Variants in SLC9A6 observed in about 807,000 individuals in gnomAD.
SLC9A6 encodes the protein sodium/hydrogen exchanger 6.
SLC9A6 carries 6 observed loss-of-function variants against 45.3 expected under a neutral mutation model. That is an observed-to-expected ratio of 0.13 (90% CI 0.07 to 0.26). The LOEUF is 0.26. Among genes scored for constraint, SLC9A6 ranks in the 10% least tolerant of loss-of-function variants. The pLI, the probability that SLC9A6 is intolerant of heterozygous loss-of-function variation, is 1.00. For synonymous variants in SLC9A6, 191 were observed against 187.7 expected, an observed-to-expected ratio of 1.02 and a Z score of -0.14; for missense variants, 278 against 503.7, an observed-to-expected ratio of 0.55 and a Z score of 4.29.
intron 7 of SLC9A6, among the ~76,000 whole-genome samples, chrX:136,007,232 C>CCA (rs2089671716): frequency 9.1e-6 from 1 of 109,780 alleles, no homozygotes; most frequent in Admixed American, 9.8e-5. Context: ...CACCCCCTCA[C>CCA]CACACACACA....
intron 16 of SLC9A6, among the ~76,000 whole-genome samples, chrX:136,038,180 T>A (rs1556622003): frequency 2.7e-5 from 3 of 111,948 alleles, no homozygotes; most frequent in Admixed American, 9.5e-5. Flanking sequence ...TTTGGATATA[T>A]CCTTTAGCAG....
intron 17 of SLC9A6, among the ~76,000 whole-genome samples, chrX:136,042,611 TCCTCG>T (rs1556622825): frequency 8.9e-6 from 1 of 112,467 alleles, no homozygotes; most frequent in African/African-American, 3.2e-5. Flanking sequence ...CTACCTGCAG[TCCTCG>T]AGGCAGTCTT....
intron 7 of SLC9A6, chrX:136,010,179 A>G (rs2070891914): frequency 1.1e-5 from 4 of 375,269 alleles, no homozygotes; most frequent in Non-Finnish European, 1.9e-5. Flanking sequence ...GGGATGGGGG[A>G]AAAAGCTTGG....
rs12011487 is a variant in SLC9A6 at position 135,993,086 on chromosome X, A to C, written c.170-1700A>C. ...GTAGTTGAGGTATGTCCATACAATG[A>C]AATATCGTTTGGTCGTAAAAGTAAA... On this transcript the variant is annotated intron_variant, in intron 2 of 17. Transcript: ENST00000630721. Among the ~76,000 whole-genome samples, 671 of 112,458 alleles carry C rather than the reference A, an allele frequency of 6.0e-3. 6 individuals are homozygous for C. The highest frequency in any genetic ancestry group is 0.021 in the African/African-American group (639 of 30,933).
At chrX:136,000,171 A>T (rs1189788792) in intron 6 of SLC9A6, among the ~76,000 whole-genome samples, 1 of 99,560 alleles carries the variant, frequency 1.0e-5, no homozygotes, top group African/African-American at 3.7e-5. Context: ...GGACCACTTG[A>T]GCCTAGGAGT....
At chrX:135,982,486 CT>C (rs1195390279), upstream of SLC9A6, among the ~76,000 whole-genome samples, 366 of 94,918 alleles carry the variant, frequency 3.9e-3, no homozygotes, top group Non-Finnish European at 4.6e-3. Context: ...GGTCAATTCG[CT>C]TTTTTTTTTT....
intron 6 of SLC9A6, among the ~76,000 whole-genome samples, chrX:136,000,254 CAAAAAAAAAAAA>C (rs1212509294): frequency 5.8e-3 from 92 of 15,775 alleles, no homozygotes; most frequent in Middle Eastern, 0.069. Flanking sequence ...ACCCTGTCTC[CAAAAAAAAAAAA>C]AAAAAAAAAA....
At position 136,025,371 on chromosome X, in the gene SLC9A6, C is replaced by A. The variant is rs188589820; in HGVS notation, c.1460+888C>A. On this transcript the variant is annotated intron_variant, in intron 13 of 17. Coordinates refer to ENST00000630721, the MANE Select transcript of SLC9A6 (RefSeq NM_001379110.1). ...TTCATAGACATTAAGAGCTACCAAG[C>A]TTCCAGAATACATAGGACTCATTAG... Among the ~76,000 whole-genome samples, 502 of 112,652 alleles carry A rather than the reference C, an allele frequency of 4.5e-3. 3 individuals carry two copies. Among genetic ancestry groups the A allele is most frequent in the African/African-American group, 0.015 (472 of 31,041 alleles).
chrX:135,998,736 G>A (rs1556616962), intron 5 of SLC9A6, 120 bp from the exon 6 acceptor site: 19 of 650,654 alleles, frequency 2.9e-5, no homozygotes, highest in Non-Finnish European at 3.3e-5. Flanking sequence ...ATATTTCAAT[G>A]ACATGAATTA....
chrX:136,022,328 A>G (rs2071141163), intron 11 of SLC9A6, among the ~76,000 whole-genome samples: 1 of 112,168 alleles, frequency 8.9e-6, no homozygotes, highest in Non-Finnish European at 1.9e-5. Flanking sequence ...AATTTGAAGT[A>G]ATTAAAATGA....
intron 1 of SLC9A6, among the ~76,000 whole-genome samples, chrX:135,976,310 C>CA (rs1194717376): frequency 9.0e-6 from 1 of 111,541 alleles, no homozygotes; most frequent in Non-Finnish European, 1.9e-5. Flanking sequence ...GATAGTTGAC[C>CA]AAAAAAATCT....
intron 17 of SLC9A6, among the ~76,000 whole-genome samples, chrX:136,040,893 G>A (rs782418954): frequency 1.8e-5 from 2 of 112,058 alleles, no homozygotes; most frequent in Admixed American, 9.4e-5. Context: ...AGGCCGAGGC[G>A]GCAGATCACC....
At position 136,024,313 on chromosome X, in the gene SLC9A6, T is replaced by C. The variant is rs1212441893; in HGVS notation, c.1307-17T>C. 10 of 1,208,993 alleles carry C rather than the reference T, an allele frequency of 8.3e-6. No homozygotes were observed. Among genetic ancestry groups the C allele is most frequent in the African/African-American group, 3.5e-5 (2 of 57,320 alleles). ...GTAATGAGTTATTGAAGAAATACCT[T>C]TTCTGTTCCCCTGTAGGCCTTCGTG... On this transcript the variant is annotated splice_polypyrimidine_tract_variant and intron_variant, in intron 12 of 17. Transcript: ENST00000630721.
chrX:136,021,021 G>A (rs1470602555), intron 11 of SLC9A6, among the ~76,000 whole-genome samples: 1 of 110,253 alleles, frequency 9.1e-6, no homozygotes, highest in Non-Finnish European at 1.9e-5. Context: ...TGAGCACTAG[G>A]TGTGCTCAGT....
At chrX:135,993,967 CTCAA>C (rs2089466273) in intron 2 of SLC9A6, among the ~76,000 whole-genome samples, 1 of 111,598 alleles carries the variant, frequency 9.0e-6, no homozygotes, top group South Asian at 3.7e-4. Context: ...AGTAGAAGAA[CTCAA>C]TCAACCTACA....
upstream of SLC9A6, among the ~76,000 whole-genome samples, chrX:135,980,216 A>AT (rs58715904): frequency 2.8e-4 from 28 of 100,230 alleles, no homozygotes; most frequent in East Asian, 1.6e-3. Context: ...CCAATACATG[A>AT]TTTTTTTTTT....
At chrX:136,001,010 G>A (rs2089573878) in intron 6 of SLC9A6, among the ~76,000 whole-genome samples, 1 of 110,127 alleles carries the variant, frequency 9.1e-6, no homozygotes, top group South Asian at 3.9e-4. Context: ...TAAATAAAAT[G>A]CAAGTTTCTT....
At chrX:136,021,091 C>T (rs1352306652) in intron 11 of SLC9A6, among the ~76,000 whole-genome samples, 1 of 110,999 alleles carries the variant, frequency 9.0e-6, no homozygotes, top group African/African-American at 3.3e-5. Context: ...TAGGCTCTCT[C>T]AGCTGACAGA....
At chrX:136,005,737 C>G (rs115450277) in intron 7 of SLC9A6, among the ~76,000 whole-genome samples, 7,453 of 109,573 alleles carry the variant, frequency 0.068, 281 homozygotes, top group African/African-American at 0.14. Context: ...AAGGGCCATA[C>G]TTCTTCTCTT....
Sources: gnomAD v4.1 joint callset for allele counts (sites outside exome capture counted in the v4.1 genomes callset) on GRCh38, gnomAD v4.1.1 for gene constraint, MANE v1.5 for transcripts, NCBI Gene and HGNC (gene_info 2026-07-23, HGNC 2026-07-21) for gene names.